Variants in DAB1 observed in about 807,000 individuals in gnomAD.
DAB1 encodes disabled homolog 1.
In DAB1, 15 loss-of-function variants were observed where a neutral mutation model predicts 64.6. The observed-to-expected ratio is 0.23, with a 90% CI of 0.16 to 0.36. The LOEUF is 0.36. Ranked by LOEUF, DAB1 falls within the 10% of genes least tolerant of loss-of-function variation. DAB1 has a pLI of 1.00. For missense variants in DAB1, 596 were observed against 706.7 expected (o/e 0.84, Z 1.78); for synonymous variants, 235 against 251.9 (o/e 0.93, Z 0.64).
At chr1:57,375,515 T>A (rs1214267687) in intron 1 of DAB1, among the ~76,000 whole-genome samples, 1 of 152,136 alleles carries the variant, frequency 6.6e-6, no homozygotes. Flanking sequence ...TAGATTAAAG[T>A]AAATATCAGA....
At chr1:57,077,601 C>CT (rs996569952) in intron 4 of DAB1, among the ~76,000 whole-genome samples, 2 of 152,242 alleles carry the variant, frequency 1.3e-5, no homozygotes, top group Admixed American at 6.5e-5. Flanking sequence ...ATCATTAAAT[C>CT]TTTTTTTCTT....
chr1:57,066,465 A>G (rs940557559), intron 8 of DAB1, among the ~76,000 whole-genome samples: 2 of 152,194 alleles, frequency 1.3e-5, no homozygotes, highest in African/African-American at 4.8e-5. Context: ...GCAAAAGGCA[A>G]TTATTATTAT....
intron 7 of DAB1, among the ~76,000 whole-genome samples, chr1:57,535,472 T>C (rs1374448001): frequency 4.1e-5 from 3 of 73,654 alleles, no homozygotes; most frequent in African/African-American, 2.4e-4. Flanking sequence ...TGGACATTCT[T>C]TTTTTTTTTT....
At chr1:57,766,436 A>G (rs1479257827) in intron 6 of DAB1, among the ~76,000 whole-genome samples, 1 of 152,018 alleles carries the variant, frequency 6.6e-6, no homozygotes, top group African/African-American at 2.4e-5. Context: ...TTTCTAGCTC[A>G]ACCTGCTCCT....
At chr1:57,117,191 A>C (rs1217733134) in intron 4 of DAB1, among the ~76,000 whole-genome samples, 1 of 152,182 alleles carries the variant, frequency 6.6e-6, no homozygotes, top group African/African-American at 2.4e-5. Flanking sequence ...GTTTTTTTAC[A>C]TGGGAAAATG....
At chr1:57,622,182 C>T (rs774102333) in intron 7 of DAB1, among the ~76,000 whole-genome samples, 4 of 152,152 alleles carry the variant, frequency 2.6e-5, no homozygotes, top group Admixed American at 1.3e-4. Context: ...GGGGTGTTAA[C>T]GTTTCTACCC....
intron 5 of DAB1, among the ~76,000 whole-genome samples, chr1:57,907,645 C>T (rs1375620517): frequency 6.6e-6 from 1 of 152,062 alleles, no homozygotes; most frequent in Non-Finnish European, 1.5e-5. Flanking sequence ...TAATCCCCTG[C>T]CCCAGGTTAC....
chr1:57,994,170 C>G (rs1427763422), intron 5 of DAB1, among the ~76,000 whole-genome samples: 1 of 152,120 alleles, frequency 6.6e-6, no homozygotes, highest in Admixed American at 6.5e-5. Flanking sequence ...GTACATAGAG[C>G]AAGGTAACCC....
At chr1:57,936,721 T>C (rs1645031177) in intron 5 of DAB1, among the ~76,000 whole-genome samples, 1 of 152,140 alleles carries the variant, frequency 6.6e-6, no homozygotes, top group Non-Finnish European at 1.5e-5. Context: ...AGTCTCGCAC[T>C]GTTGTTTAAA....
intron 7 of DAB1, among the ~76,000 whole-genome samples, chr1:57,433,865 CAAAA>C (rs968147731): frequency 7.9e-5 from 11 of 140,098 alleles, no homozygotes; most frequent in Admixed American, 1.4e-4. Context: ...AAAAAAAAAA[CAAAA>C]AAACTATAAG....
At chr1:58,443,435 C>T (rs1026544364) in intron 3 of DAB1, among the ~76,000 whole-genome samples, 24 of 152,196 alleles carry the variant, frequency 1.6e-4, no homozygotes, top group African/African-American at 5.6e-4. Context: ...TTTACATCAT[C>T]GCCAAGGCTT....
intron 2 of DAB1, among the ~76,000 whole-genome samples, chr1:57,151,133 A>G (rs1372417077): frequency 6.6e-6 from 1 of 152,202 alleles, no homozygotes; most frequent in Non-Finnish European, 1.5e-5. Flanking sequence ...CAAATCATGA[A>G]GCATCTTGGA....
At chr1:58,380,796 T>C (rs1644380488) in intron 3 of DAB1, among the ~76,000 whole-genome samples, 1 of 152,190 alleles carries the variant, frequency 6.6e-6, no homozygotes, top group Non-Finnish European at 1.5e-5. Flanking sequence ...ATGATGGGCA[T>C]GGAGTAAATT....
intron 6 of DAB1, among the ~76,000 whole-genome samples, chr1:57,703,781 A>G (rs1024935267): frequency 6.8e-6 from 1 of 147,104 alleles, no homozygotes; most frequent in Non-Finnish European, 1.5e-5. Flanking sequence ...ACATAGAATC[A>G]ACCTAAATGC....
chr1:57,730,786 C>G (rs1453310445), intron 6 of DAB1, among the ~76,000 whole-genome samples: 1 of 152,172 alleles, frequency 6.6e-6, no homozygotes, highest in East Asian at 1.9e-4. Context: ...CAATTTCACA[C>G]TGATTCAGAT....
At chr1:57,399,434 C>G (rs139459462) in intron 1 of DAB1, among the ~76,000 whole-genome samples, 207 of 152,180 alleles carry the variant, frequency 1.4e-3, no homozygotes, top group African/African-American at 4.7e-3. Flanking sequence ...TAATTCAAAC[C>G]TGCGATTCTA....
At chr1:58,294,892 G>GTGTT (rs1191576976) in intron 4 of DAB1, among the ~76,000 whole-genome samples, 1 of 151,804 alleles carries the variant, frequency 6.6e-6, no homozygotes, top group Non-Finnish European at 1.5e-5. Flanking sequence ...GTGTGTGTGT[G>GTGTT]TGTGTGTGTG....
chr1:58,479,084 G>A (rs6695613), intron 3 of DAB1, among the ~76,000 whole-genome samples: 1,701 of 152,224 alleles, frequency 0.011, 29 homozygotes, highest in African/African-American at 0.038. Flanking sequence ...CTGACATGGT[G>A]TCAACTTATA....
At chr1:58,536,788 A>G in intron 1 of DAB1, 1 of 834,018 alleles carries the variant, frequency 1.2e-6, no homozygotes, top group Admixed American at 1.9e-5. Flanking sequence ...ATTCCAGCAC[A>G]TATCACTAAA....
Sources: gnomAD v4.1 joint callset for allele counts (sites outside exome capture counted in the v4.1 genomes callset) on GRCh38, gnomAD v4.1.1 for gene constraint, MANE v1.5 for transcripts, NCBI Gene and HGNC (gene_info 2026-07-23, HGNC 2026-07-21) for gene names.